Variants in SPRR2G observed in about 807,000 individuals in gnomAD.
SPRR2G encodes small proline rich protein 2G.
In SPRR2G, 1 loss-of-function variant was observed where a neutral mutation model predicts 0.7. The ratio of observed to expected loss-of-function variants is 1.49; its 90% CI spans 0.53 to 7.06. SPRR2G has a LOEUF of 7.06. SPRR2G is among the 30% of genes most tolerant of loss of function. The pLI is 0.14. For synonymous variants in SPRR2G, 38 were observed against 33.9 expected, an observed-to-expected ratio of 1.12 and a Z score of -0.42; for missense variants, 96 against 88.5, an observed-to-expected ratio of 1.09 and a Z score of -0.34.
the SPRR2G span, among the ~76,000 whole-genome samples, chr1:153,201,889 C>G: frequency 2.6e-5 from 4 of 152,226 alleles, no homozygotes. Flanking sequence ...AGGGTTGACT[C>G]TAACTAAACT....
At chr1:153,185,814 G>A in the SPRR2G span, among the ~76,000 whole-genome samples, 5 of 152,012 alleles carry the variant, frequency 3.3e-5, no homozygotes, top group Non-Finnish European at 7.4e-5. Context: ...TTAGGGTGTC[G>A]ATTTTAGATC....
the SPRR2G span, among the ~76,000 whole-genome samples, chr1:153,164,606 A>G: frequency 2.0e-5 from 3 of 152,214 alleles, no homozygotes; most frequent in Admixed American, 2.0e-4. Flanking sequence ...AAAATCACAT[A>G]GTGTTTGTAT....
chr1:153,195,876 C>G, the SPRR2G span, among the ~76,000 whole-genome samples: 2 of 152,068 alleles, frequency 1.3e-5, no homozygotes, highest in African/African-American at 4.8e-5. Flanking sequence ...GACCCCAACT[C>G]TCATGAGCAA....
chr1:153,196,948 G>A, the SPRR2G span, among the ~76,000 whole-genome samples: 1 of 152,182 alleles, frequency 6.6e-6, no homozygotes, highest in African/African-American at 2.4e-5. Flanking sequence ...GGGCACCTTA[G>A]GAGGAGCCCT....
chr1:153,168,321 T>C, the SPRR2G span, among the ~76,000 whole-genome samples: 7 of 152,244 alleles, frequency 4.6e-5, no homozygotes, highest in Non-Finnish European at 1.0e-4. Flanking sequence ...TGTGTCTTGA[T>C]AGAACTTTCA....
the SPRR2G span, among the ~76,000 whole-genome samples, chr1:153,167,496 GAAAAAGA>G: frequency 6.6e-6 from 1 of 151,852 alleles, no homozygotes; most frequent in Non-Finnish European, 1.5e-5. Context: ...AAAAGAAAAA[GAAAAAGA>G]AATCTCTAAA....
In SPRR2G at chr1:153,150,113, C is replaced by G. The variant is rs753366089; in HGVS notation, c.-3G>C. The G allele has an allele frequency of 3.1e-6, 5 of 1,611,764 alleles. No individual in the cohort carries two copies. The Admixed American group carries it at 6.7e-5, about 21-fold the overall frequency. On this transcript the variant is annotated 5_prime_UTR_variant, in exon 2 of 2. Coordinates refer to ENST00000368748, the MANE Select transcript of SPRR2G (RefSeq NM_001014291.4). ...CACTGCTGCTGCTGGTAAGACATCT[C>G]TCCTCAGTCTCAGAGAATCTGAAAG... is the stretch of plus-strand genomic sequence containing the variant.
upstream of SPRR2G, among the ~76,000 whole-genome samples, chr1:153,155,293 A>G (rs1271484197): frequency 6.6e-6 from 1 of 152,074 alleles, no homozygotes; most frequent in African/African-American, 2.4e-5. Flanking sequence ...CTTTCCCACA[A>G]ACCACTTGAA....
the SPRR2G span, among the ~76,000 whole-genome samples, chr1:153,173,438 G>T: frequency 6.6e-6 from 1 of 151,568 alleles, no homozygotes; most frequent in Non-Finnish European, 1.5e-5. Context: ...GCTCTAAAGG[G>T]AAGTCAAACA....
At chr1:153,152,598 G>A (rs1269446693), upstream of SPRR2G, among the ~76,000 whole-genome samples, 7 of 152,090 alleles carry the variant, frequency 4.6e-5, no homozygotes, top group African/African-American at 1.2e-4. Context: ...TCCCTCCCTA[G>A]TACTCTGAAA....
the SPRR2G span, among the ~76,000 whole-genome samples, chr1:153,156,848 T>G: frequency 6.6e-6 from 1 of 152,212 alleles, no homozygotes; most frequent in Non-Finnish European, 1.5e-5. Flanking sequence ...AGTTTGCCAT[T>G]TGTTAAGTAA....
chr1:153,186,447 T>G, the SPRR2G span, among the ~76,000 whole-genome samples: 1 of 152,244 alleles, frequency 6.6e-6, no homozygotes, highest in African/African-American at 2.4e-5. Context: ...CTTGTTGCAT[T>G]GATCCCTTTA....
chr1:153,163,964 T>C, the SPRR2G span, among the ~76,000 whole-genome samples: 1 of 152,168 alleles, frequency 6.6e-6, no homozygotes, highest in Admixed American at 6.6e-5. Context: ...AATACCCTCA[T>C]ATTTCTCAGT....
At chr1:153,194,675 AC>A in the SPRR2G span, among the ~76,000 whole-genome samples, 1 of 152,050 alleles carries the variant, frequency 6.6e-6, no homozygotes, top group African/African-American at 2.4e-5. Context: ...TGCTTCCCAA[AC>A]TTTTTGCTTT....
At chr1:153,195,890 G>C in the SPRR2G span, among the ~76,000 whole-genome samples, 3 of 152,204 alleles carry the variant, frequency 2.0e-5, no homozygotes, top group East Asian at 5.8e-4. Flanking sequence ...TGAGCAACAA[G>C]GAGAAGACCT....
At chr1:153,163,852 C>G in the SPRR2G span, among the ~76,000 whole-genome samples, 3,341 of 152,196 alleles carry the variant, frequency 0.022, 111 homozygotes, top group East Asian at 0.11. Context: ...AAAACAAAAC[C>G]CATCCCATTC....
At chr1:153,153,488 G>A (rs375143368), upstream of SPRR2G, among the ~76,000 whole-genome samples, 20 of 152,088 alleles carry the variant, frequency 1.3e-4, no homozygotes, top group African/African-American at 4.8e-4. Context: ...AAAATAAATA[G>A]TAAGCCTAGT....
the SPRR2G span, among the ~76,000 whole-genome samples, chr1:153,156,006 A>C: frequency 1.3e-5 from 2 of 151,980 alleles, no homozygotes. Context: ...GCTTGCGAGC[A>C]CTTTGAGTAG....
chr1:153,168,424 A>G, the SPRR2G span, among the ~76,000 whole-genome samples: 3 of 152,248 alleles, frequency 2.0e-5, no homozygotes, highest in Non-Finnish European at 4.4e-5. Context: ...TGAATGCCAC[A>G]GAAATTGATT....
Sources: gnomAD v4.1 joint callset for allele counts (sites outside exome capture counted in the v4.1 genomes callset) on GRCh38, gnomAD v4.1.1 for gene constraint, MANE v1.5 for transcripts, NCBI Gene and HGNC (gene_info 2026-07-23, HGNC 2026-07-21) for gene names.